KAZN: variants seen among roughly 807,000 people sequenced by gnomAD.
KAZN encodes the protein kazrin.
In KAZN, 40 loss-of-function variants were observed where a neutral mutation model predicts 87.4. The ratio of observed to expected loss-of-function variants is 0.46; its 90% confidence interval spans 0.36 to 0.60. KAZN has a LOEUF of 0.60. Ranked by LOEUF, KAZN falls within the 20% of genes least tolerant of loss-of-function variation. The probability of loss-of-function intolerance (pLI) is 0.00; values close to 1 mark genes in which losing one functional copy is unlikely to be tolerated. For missense variants in KAZN, 898 were observed against 1,073.9 expected, an observed-to-expected ratio of 0.84 and a Z score of 2.29; for synonymous variants, 466 against 458.3, an observed-to-expected ratio of 1.02 and a Z score of -0.22.
rs552137312 is a variant in KAZN at position 14,135,301 on chromosome 1, T to C, written c.92-45134T>C. Among the ~76,000 whole-genome samples, 5 of 152,334 alleles carry C rather than the reference T, an allele frequency of 3.3e-5. No homozygotes were observed. The South Asian group carries it at 1.0e-3, about 32-fold the overall frequency. On this transcript the variant is annotated intron_variant, in intron 1 of 16. Transcript: ENST00000636203. ...CATATAGTAAAATTTTATGTTCCTCTTCAAGGGACAGTGAGTAATGACACA... is the reference window on the plus strand; with the variant it reads ...CATATAGTAAAATTTTATGTTCCTCCTCAAGGGACAGTGAGTAATGACACA...
chr1:14,564,966 C>G (rs1198966208), intron 2 of KAZN, among the ~76,000 whole-genome samples: 1 of 152,212 alleles, frequency 6.6e-6, no homozygotes, highest in East Asian at 1.9e-4. Context: ...ACAGTATTTT[C>G]TACAGGAAGA....
intron 1 of KAZN, among the ~76,000 whole-genome samples, chr1:13,953,804 A>G (rs1641442840): frequency 6.6e-6 from 1 of 152,202 alleles, no homozygotes; most frequent in African/African-American, 2.4e-5. Context: ...ACCATCCAAT[A>G]TGGTGGCCAC....
intron 1 of KAZN, among the ~76,000 whole-genome samples, chr1:14,123,524 G>A (rs1354628616): frequency 6.6e-6 from 1 of 152,186 alleles, no homozygotes; most frequent in Non-Finnish European, 1.5e-5. Context: ...ATTTTTAAGC[G>A]AGAATTCCAA....
Position 15,071,219 on chromosome 1 carries a change from C to CA in KAZN, c.1222+5469dup, listed in dbSNP as rs1251175178. 2.0e-5 allele frequency among the ~76,000 whole-genome samples: 3 copies of CA among 152,072 alleles called. No homozygotes were observed. In the East Asian group the frequency reaches 5.8e-4, roughly 29 times the overall value. On this transcript the variant is annotated intron_variant, in intron 8 of 14. Transcript: ENST00000376030. ...AATTGAGGGTATAAGTCTGGGATGG[C>CA]AAATAGGATATGGATATTTCTCTTT...
intron 2 of KAZN, among the ~76,000 whole-genome samples, chr1:14,240,224 C>T (rs1216297046): frequency 6.6e-6 from 1 of 152,200 alleles, no homozygotes; most frequent in Non-Finnish European, 1.5e-5. Flanking sequence ...TATACACAAA[C>T]TATATCAGCA....
At chr1:14,600,964 G>A (rs965513528) in intron 1 of KAZN, among the ~76,000 whole-genome samples, 3 of 152,214 alleles carry the variant, frequency 2.0e-5, no homozygotes, top group African/African-American at 4.8e-5. Context: ...TGACATACTC[G>A]CGGATGGTTA....
intron 1 of KAZN, among the ~76,000 whole-genome samples, chr1:14,001,309 C>T (rs1639782189): frequency 6.6e-6 from 1 of 152,068 alleles, no homozygotes. Context: ...ATATGAAGGA[C>T]TTCTTCAAGG....
intron 1 of KAZN, among the ~76,000 whole-genome samples, chr1:14,894,385 A>G (rs190429451): frequency 5.9e-5 from 9 of 152,328 alleles, no homozygotes; most frequent in East Asian, 1.9e-4. Flanking sequence ...AAATTTCTGA[A>G]TCACTTTGTG....
At chr1:14,430,802 G>A (rs1433503271) in intron 2 of KAZN, among the ~76,000 whole-genome samples, 1 of 152,232 alleles carries the variant, frequency 6.6e-6, no homozygotes. Flanking sequence ...TAGCTTGAAG[G>A]CATTGCAGTT....
At chr1:14,117,986 A>G (rs1644665396) in intron 1 of KAZN, among the ~76,000 whole-genome samples, 1 of 152,200 alleles carries the variant, frequency 6.6e-6, no homozygotes, top group Non-Finnish European at 1.5e-5. Flanking sequence ...GCTCAGCTGC[A>G]GTTGCACTGC....
rs1667935181 is a variant in KAZN, at chr1:14,996,975, G to A, written c.418+36100G>A. 6.6e-6 allele frequency among the ~76,000 whole-genome samples: 1 copy of A among 152,156 alleles called. No homozygotes were observed. Among genetic ancestry groups the A allele is most frequent in the Admixed American group, 6.5e-5 (1 of 15,278 alleles). ...GGCTGTGTGTTCCCCCAGGCACCCTGTGCTTTGCTGATCCCTGGGCCTGGA... is the reference window on the plus strand; with the variant it reads ...GGCTGTGTGTTCCCCCAGGCACCCTATGCTTTGCTGATCCCTGGGCCTGGA... On this transcript the variant is annotated intron_variant, in intron 2 of 14. Transcript: ENST00000376030. This position sits in a 1 kb window ranked among gnomAD's most constrained non-coding sequence, Gnocchi z 5.9.
At chr1:14,867,936 C>T (rs924440444) in intron 1 of KAZN, among the ~76,000 whole-genome samples, 1 of 65,734 alleles carries the variant, frequency 1.5e-5, no homozygotes, top group Non-Finnish European at 4.2e-5. Context: ...TGGGCAGGCA[C>T]AGCCTCACAT....
intron 2 of KAZN, among the ~76,000 whole-genome samples, chr1:14,543,090 G>A (rs937968746): frequency 1.3e-5 from 2 of 152,258 alleles, no homozygotes; most frequent in Admixed American, 1.3e-4. Context: ...CTGGGTCACC[G>A]TGGACATATC....
At chr1:14,386,264 T>C (rs1661878654) in intron 2 of KAZN, among the ~76,000 whole-genome samples, 1 of 147,650 alleles carries the variant, frequency 6.8e-6, no homozygotes, top group Non-Finnish European at 1.5e-5. Context: ...TGACTCTTTA[T>C]CCAATTTGCC....
intron 2 of KAZN, among the ~76,000 whole-genome samples, chr1:14,963,494 A>G (rs1454012799): frequency 1.3e-5 from 2 of 152,336 alleles, no homozygotes; most frequent in East Asian, 1.9e-4. Flanking sequence ...GTTGGCCCAG[A>G]TGCCAGAGAC....
intron 1 of KAZN, among the ~76,000 whole-genome samples, chr1:14,676,092 G>C (rs571818437): frequency 1.3e-5 from 2 of 152,334 alleles, no homozygotes; most frequent in East Asian, 3.9e-4. Context: ...CTCAGGAAAA[G>C]ACCCAGGGAT....
intron 1 of KAZN, among the ~76,000 whole-genome samples, chr1:14,825,453 G>GA (rs1179094496): frequency 6.6e-6 from 1 of 151,726 alleles, no homozygotes; most frequent in Non-Finnish European, 1.5e-5. Context: ...CCGCGGGCCT[G>GA]AAAAAACCAT....
intron 2 of KAZN, among the ~76,000 whole-genome samples, chr1:15,027,067 C>CTTTTTTTTT (rs1442824114): frequency 9.6e-5 from 6 of 62,234 alleles, no homozygotes; most frequent in African/African-American, 3.2e-4. Flanking sequence ...CAAGCCAGTG[C>CTTTTTTTTT]TTCTTTTTTT....
At chr1:14,608,621 C>T (rs1001908637) in intron 1 of KAZN, among the ~76,000 whole-genome samples, 4 of 152,118 alleles carry the variant, frequency 2.6e-5, no homozygotes, top group African/African-American at 4.8e-5. Flanking sequence ...AGAGAAAGAG[C>T]GCGTCTTAAG....
Sources: gnomAD v4.1 joint callset for allele counts (sites outside exome capture counted in the v4.1 genomes callset) on GRCh38, gnomAD v4.1.1 for gene constraint, Gnocchi (gnomAD v3.1) non-coding constraint, MANE v1.5 for transcripts, NCBI Gene and HGNC (gene_info 2026-07-23, HGNC 2026-07-21) for gene names.